The following SCRG1 variants were observed in gnomAD, a reference collection of about 807,000 sequenced individuals.
SCRG1 encodes scrapie-responsive protein 1.
In SCRG1, 3 loss-of-function variants were observed where a neutral mutation model predicts 7.7. That is an observed-to-expected ratio of 0.39 (90% CI 0.18 to 1.01). The LOEUF is 1.01. Among genes scored for constraint, SCRG1 ranks in the 50% least tolerant of loss-of-function variants. SCRG1 has a pLI of 0.36. For missense variants in SCRG1, 110 were observed against 117.2 expected (o/e 0.94, Z 0.28); for synonymous variants, 46 against 41.2 (o/e 1.12, Z -0.44).
the SCRG1 span, among the ~76,000 whole-genome samples, chr4:173,474,644 G>A: frequency 6.6e-6 from 1 of 152,156 alleles, no homozygotes. Flanking sequence ...GGAGGTGTCG[G>A]ATGTCATGAG....
At chr4:173,471,703 G>A in the SCRG1 span, among the ~76,000 whole-genome samples, 4 of 152,128 alleles carry the variant, frequency 2.6e-5, no homozygotes, top group Non-Finnish European at 4.4e-5. Flanking sequence ...AGTCCTGAAG[G>A]GTGGAAGATG....
the SCRG1 span, among the ~76,000 whole-genome samples, chr4:173,490,147 A>G: frequency 6.6e-6 from 1 of 152,164 alleles, no homozygotes; most frequent in African/African-American, 2.4e-5. Context: ...TTGCAACAAA[A>G]TTTCACTAAT....
the SCRG1 span, among the ~76,000 whole-genome samples, chr4:173,483,745 T>TGATATATCATATATAATA: frequency 9.5e-5 from 4 of 41,988 alleles, 2 homozygotes; most frequent in Non-Finnish European, 1.6e-4. Flanking sequence ...ATATGATATA[T>TGATATATCATATATAATA]TATATGTGAT....
At chr4:173,403,913 T>C (rs1339862914), upstream of SCRG1, among the ~76,000 whole-genome samples, 3 of 152,190 alleles carry the variant, frequency 2.0e-5, no homozygotes, top group Non-Finnish European at 4.4e-5. Flanking sequence ...GTTATTGCCC[T>C]AATCTTCTCA....
the SCRG1 span, among the ~76,000 whole-genome samples, chr4:173,443,539 G>A: frequency 2.6e-5 from 4 of 152,218 alleles, no homozygotes; most frequent in South Asian, 8.3e-4. Context: ...AAACATTTTG[G>A]GGGAGAATTT....
At chr4:173,484,125 A>G in the SCRG1 span, among the ~76,000 whole-genome samples, 1 of 44,328 alleles carries the variant, frequency 2.3e-5, no homozygotes, top group African/African-American at 6.7e-5. Context: ...AATATACAAT[A>G]TATAATATAT....
chr4:173,491,215 CTCTTT>C, the SCRG1 span, among the ~76,000 whole-genome samples: 1 of 132,964 alleles, frequency 7.5e-6, no homozygotes, highest in Non-Finnish European at 1.6e-5. Flanking sequence ...CTCTCTCTCT[CTCTTT>C]TTTTTTTTTT....
chr4:173,450,571 T>C, the SCRG1 span, among the ~76,000 whole-genome samples: 34 of 152,252 alleles, frequency 2.2e-4, 1 homozygote, highest in South Asian at 7.1e-3. Flanking sequence ...TTTGCCTCTT[T>C]GGCTTTTACC....
chr4:173,518,465 C>T, the SCRG1 span, among the ~76,000 whole-genome samples: 1 of 152,168 alleles, frequency 6.6e-6, no homozygotes, highest in Admixed American at 6.5e-5. Flanking sequence ...TTCAGGAATG[C>T]GAAACTCGGG....
chr4:173,422,075 A>C, the SCRG1 span, among the ~76,000 whole-genome samples: 1 of 152,224 alleles, frequency 6.6e-6, no homozygotes, highest in African/African-American at 2.4e-5. Context: ...TGGCTGAAAC[A>C]TATTTTTATA....
the SCRG1 span, among the ~76,000 whole-genome samples, chr4:173,454,958 A>G: frequency 6.6e-6 from 1 of 152,162 alleles, no homozygotes; most frequent in Admixed American, 6.6e-5. Flanking sequence ...TGGAGATTGG[A>G]ATTCTGTGTT....
chr4:173,484,393 C>CATATAATATAT, the SCRG1 span, among the ~76,000 whole-genome samples: 2 of 26,530 alleles, frequency 7.5e-5, no homozygotes, highest in African/African-American at 3.1e-4. Flanking sequence ...ATATTTTATA[C>CATATAATATAT]ATTATATATT....
the SCRG1 span, among the ~76,000 whole-genome samples, chr4:173,438,530 G>T: frequency 6.7e-6 from 1 of 150,144 alleles, no homozygotes; most frequent in African/African-American, 2.4e-5. Context: ...GATTGGAAAT[G>T]AGATTTTTTG....
rs994738687 is a variant in SCRG1, at chr4:173,391,385, A to C, written c.30T>G (p.Ile10Met). The change falls in exon 2 of 3, where the codon ATT (isoleucine) becomes ATG (methionine). Residue 10 changes from isoleucine (I) to methionine (M), a missense_variant. Physicochemically the swap from Ile to Met is conservative, Grantham distance 10. Transcript: ENST00000296506. Reference sequence around the variant, plus strand: ...GAACTCCTAGCAGCAAAGTTAGCCCAATGGTGAAAACAAGTACCATCAGTT... The same window carrying C: ...GAACTCCTAGCAGCAAAGTTAGCCCCATGGTGAAAACAAGTACCATCAGTT... MKLMVLVFTIGLTLLLGVQA... is the reference protein window; with the variant it reads MKLMVLVFTMGLTLLLGVQA... 8 of 1,614,090 alleles carry C rather than the reference A, an allele frequency of 5.0e-6. No individual in the cohort carries two copies. The highest frequency in any genetic ancestry group is 1.3e-5 in the African/African-American group (1 of 74,948).
At chr4:173,467,848 T>G in the SCRG1 span, 7 of 152,112 alleles carry the variant, frequency 4.6e-5, no homozygotes, top group African/African-American at 1.7e-4. Flanking sequence ...AAACAAACCA[T>G]GCTTTTTAAT....
At chr4:173,470,091 G>A in the SCRG1 span, 3 of 141,286 alleles carry the variant, frequency 2.1e-5, no homozygotes, top group Non-Finnish European at 3.0e-5. Flanking sequence ...TGTCCCCTTC[G>A]TTTCTCTTTT....
the SCRG1 span, among the ~76,000 whole-genome samples, chr4:173,460,404 CCTT>C: frequency 6.6e-6 from 1 of 152,172 alleles, no homozygotes; most frequent in African/African-American, 2.4e-5. Context: ...TCAAAAGAGA[CCTT>C]CTCCTTTCAC....
chr4:173,385,086 A>C lies in SCRG1; in HGVS notation c.*3255T>G, dbSNP rs1222658949. 1 of 152,230 alleles carries C rather than the reference A, an allele frequency of 6.6e-6. No homozygotes were observed. The highest frequency in any genetic ancestry group is 1.5e-5 in the Non-Finnish European group (1 of 68,036). The allele number at this position is 152,230 out of a possible 1,614,324, so 9.4% of individuals were successfully genotyped here. On this transcript the variant is annotated 3_prime_UTR_variant, in exon 3 of 3. Coordinates refer to ENST00000296506, the MANE Select transcript of SCRG1 (RefSeq NM_007281.4). ...TTTAAACCTTAGCTTTTTTGTCCATAGAACAAGGATAATATCAGTACCTAT... is the reference window on the plus strand; with the variant it reads ...TTTAAACCTTAGCTTTTTTGTCCATCGAACAAGGATAATATCAGTACCTAT...
chr4:173,489,365 C>A, the SCRG1 span, among the ~76,000 whole-genome samples: 1 of 152,132 alleles, frequency 6.6e-6, no homozygotes, highest in African/African-American at 2.4e-5. Context: ...ATCTAAGTTT[C>A]TTTTAATTAG....
Sources: allele counts gnomAD v4.1 joint callset (sites outside exome capture counted in the v4.1 genomes callset), GRCh38; gene constraint gnomAD v4.1.1; transcripts MANE v1.5; gene names NCBI Gene and HGNC (gene_info 2026-07-23, HGNC 2026-07-21).